The following ELMO1 variants were observed in gnomAD, a reference collection of about 807,000 sequenced individuals.
ELMO1 encodes engulfment and cell motility protein 1.
Under a neutral mutation model 98.9 loss-of-function variants are expected in ELMO1, and 26 were observed. The observed-to-expected ratio is 0.26, with a 90% CI of 0.19 to 0.36. The LOEUF (loss-of-function observed/expected upper bound fraction) is 0.36, where lower values mean the gene tolerates loss of function less well. Among genes scored for constraint, ELMO1 ranks in the 10% least tolerant of loss-of-function variants. ELMO1 has a pLI of 1.00. For synonymous variants in ELMO1, 346 were observed against 346.0 expected (o/e 1.00, Z 0.00); for missense variants, 627 against 935.2 (o/e 0.67, Z 4.30).
At chr7:37,405,188 A>G (rs1348784065) in intron 1 of ELMO1, among the ~76,000 whole-genome samples, 1 of 142,760 alleles carries the variant, frequency 7.0e-6, no homozygotes, top group Non-Finnish European at 1.5e-5. Flanking sequence ...GATGCTTTTT[A>G]TACTTCAAGA....
At chr7:37,052,984 G>A (rs995309682) in intron 15 of ELMO1, among the ~76,000 whole-genome samples, 1 of 152,122 alleles carries the variant, frequency 6.6e-6, no homozygotes, top group African/African-American at 2.4e-5. Context: ...GATGTCTTGG[G>A]GTTGGGTGGG....
In ELMO1 at chr7:37,224,971, G is replaced by A. The variant is rs750617890; in HGVS notation, c.609C>T (p.Ala203=). 6.2e-7 allele frequency: 1 copy of A among 1,613,964 alleles called. No homozygotes were observed. Among genetic ancestry groups the A allele is most frequent in the African/African-American group, 1.3e-5 (1 of 74,898 alleles). ...TATTGAGCACCATCGACTCCAAAAT[G>A]GCCAAGGACCGCTGCAGGATCGAGA... ...IDISILQRSL[A]ILESMVLNSH... is the part of the protein sequence containing the mutation. Residue 203 remains alanine (A), a synonymous_variant, in exon 9 of 22, where the codon GCC becomes GCT. Transcript: ENST00000310758.
At chr7:36,885,565 C>T (rs943528395) in intron 18 of ELMO1, among the ~76,000 whole-genome samples, 1 of 152,144 alleles carries the variant, frequency 6.6e-6, no homozygotes, top group African/African-American at 2.4e-5. Context: ...GTGCCCTTTG[C>T]CCAATGTCAA....
At chr7:37,436,510 T>C (rs576022029) in intron 1 of ELMO1, among the ~76,000 whole-genome samples, 30 of 152,348 alleles carry the variant, frequency 2.0e-4, no homozygotes, top group Non-Finnish European at 3.8e-4. Context: ...CAGTTTCTGT[T>C]TGGCACATGG....
intron 13 of ELMO1, among the ~76,000 whole-genome samples, chr7:37,151,171 G>A (rs1292477758): frequency 6.6e-6 from 1 of 152,218 alleles, no homozygotes; most frequent in Non-Finnish European, 1.5e-5. Context: ...TCAGAGTCAG[G>A]GGCAATCTCA....
chr7:37,240,347 CTTTTA>C (rs1415773054), intron 7 of ELMO1, among the ~76,000 whole-genome samples: 8 of 152,084 alleles, frequency 5.3e-5, no homozygotes, highest in African/African-American at 1.9e-4. Context: ...TTGCAATATT[CTTTTA>C]TTTTATTTCT....
At chr7:36,975,098 C>T (rs1274743492) in intron 16 of ELMO1, among the ~76,000 whole-genome samples, 2 of 152,218 alleles carry the variant, frequency 1.3e-5, no homozygotes, top group African/African-American at 2.4e-5. Flanking sequence ...CCACCAATTC[C>T]GGACACAGCA....
intron 15 of ELMO1, among the ~76,000 whole-genome samples, chr7:37,089,453 AATGT>A (rs1310928075): frequency 6.6e-6 from 1 of 152,198 alleles, no homozygotes; most frequent in Non-Finnish European, 1.5e-5. Context: ...TTCAATCACA[AATGT>A]ATGTCCATTC....
chr7:36,971,997 T>G (rs190604160), intron 16 of ELMO1, among the ~76,000 whole-genome samples: 2 of 152,208 alleles, frequency 1.3e-5, no homozygotes, highest in African/African-American at 4.8e-5. Context: ...TCTTGCTGTG[T>G]GATTCATGGG....
At chr7:37,399,892 T>C (rs962746905) in intron 1 of ELMO1, among the ~76,000 whole-genome samples, 1 of 152,182 alleles carries the variant, frequency 6.6e-6, no homozygotes, top group Admixed American at 6.5e-5. Flanking sequence ...ATTAAACAAC[T>C]TGAAATGTGC....
intron 21 of ELMO1, among the ~76,000 whole-genome samples, chr7:36,859,079 A>G (rs1277634151): frequency 6.6e-6 from 1 of 152,196 alleles, no homozygotes; most frequent in Non-Finnish European, 1.5e-5. Flanking sequence ...GAAAAAAGGC[A>G]CATGCTCATG....
chr7:37,211,509 C>T lies in ELMO1; in HGVS notation c.963G>A (p.Arg321=). ...TTCTTCGAAGTTCAAATATGATGTCCCTCTGAGCCTGAAGGAATCAGGGAG... is the reference window on the plus strand; with the variant it reads ...TTCTTCGAAGTTCAAATATGATGTCTCTCTGAGCCTGAAGGAATCAGGGAG... ...TKMDPQDQAQ[R]DIIFELRRIA... is the part of the protein sequence containing the mutation. The change falls in exon 13 of 22, where the codon AGG becomes AGA. Residue 321 remains arginine (R), a synonymous_variant. Transcript: ENST00000310758. 6.2e-7 allele frequency: 1 copy of T among 1,613,802 alleles called. No homozygotes were observed. Among genetic ancestry groups the T allele is most frequent in the Non-Finnish European group, 8.5e-7 (1 of 1,179,876 alleles).
chr7:37,013,605 A>T (rs1008889569), intron 15 of ELMO1, 170 bp from the exon 16 acceptor site: 5 of 731,080 alleles, frequency 6.8e-6, no homozygotes, highest in Non-Finnish European at 1.1e-5. Flanking sequence ...CCCCCATACA[A>T]CTCGGAAGTT....
intron 16 of ELMO1, among the ~76,000 whole-genome samples, chr7:36,942,081 A>T (rs978952982): frequency 6.6e-6 from 1 of 152,256 alleles, no homozygotes; most frequent in Non-Finnish European, 1.5e-5. Context: ...TGTAATTTAC[A>T]TAAAACCAAT....
At chr7:37,055,716 G>A (rs1796358416) in intron 15 of ELMO1, among the ~76,000 whole-genome samples, 1 of 152,134 alleles carries the variant, frequency 6.6e-6, no homozygotes. Flanking sequence ...TCTGTGTTAA[G>A]CCTTGGGTCC....
At chr7:37,213,267 C>A in intron 12 of ELMO1, 68 bp downstream of exon 12, 1 of 1,564,152 alleles carries the variant, frequency 6.4e-7, no homozygotes, top group South Asian at 1.2e-5. Context: ...CAGGGTACCT[C>A]AAGAAAAGAC....
rs892886427 is a variant in ELMO1, at chr7:37,185,956, C to G, written c.1086+25430G>C. ...ACTCCGCTGACTTCTGCGTAGAAAT[C>G]AACAAGACAATCCTGAAATTCATGT... On this transcript the variant is annotated intron_variant, in intron 13 of 21. Transcript: ENST00000310758. Among the ~76,000 whole-genome samples, 3 of 152,284 alleles carry G rather than the reference C, an allele frequency of 2.0e-5. No individual in the cohort carries two copies. In the South Asian group the frequency reaches 6.2e-4, roughly 32 times the overall value.
At position 37,432,620 on chromosome 7, in the gene ELMO1, C is replaced by T. The variant is rs10250695; in HGVS notation, c.-74+16055G>A. ...ATAATATGCAATTATAGTCTAGAAA[C>T]GTATATTATCAAGGCCACGGTGCTC... On this transcript the variant is annotated intron_variant, in intron 1 of 21. Transcript: ENST00000310758. 9.2e-3 allele frequency among the ~76,000 whole-genome samples: 1,395 copies of T among 152,290 alleles called. 18 individuals are homozygous for T. The highest frequency in any genetic ancestry group is 0.031 in the African/African-American group (1,298 of 41,558).
intron 13 of ELMO1, among the ~76,000 whole-genome samples, chr7:37,164,293 T>C (rs926774230): frequency 3.9e-5 from 6 of 152,254 alleles, no homozygotes; most frequent in African/African-American, 7.2e-5. Context: ...GGGTTGCCTG[T>C]TCACTCTGAT....
Sources: allele counts gnomAD v4.1 joint callset (sites outside exome capture counted in the v4.1 genomes callset), GRCh38; gene constraint gnomAD v4.1.1; transcripts MANE v1.5; gene names NCBI Gene and HGNC (gene_info 2026-07-23, HGNC 2026-07-21).